The following JPH3 variants were observed in gnomAD, a reference collection of about 807,000 sequenced individuals.
The protein encoded by JPH3 is junctophilin-3.
Under a neutral mutation model 59.6 loss-of-function variants are expected in JPH3, and 11 were observed. That is an observed-to-expected ratio of 0.18 (90% confidence interval 0.12 to 0.31). The LOEUF (loss-of-function observed/expected upper bound fraction) is 0.31. Among genes scored for constraint, JPH3 ranks in the 10% least tolerant of loss-of-function variants. JPH3 has a pLI of 1.00. For synonymous variants in JPH3, 673 were observed against 483.6 expected (o/e 1.39, Z -5.14); for missense variants, 1,202 against 1,105.7 (o/e 1.09, Z -1.24).
chr16:87,643,875 C>T (rs1263381926), intron 1 of JPH3, among the ~76,000 whole-genome samples: 1 of 152,204 alleles, frequency 6.6e-6, no homozygotes, highest in Non-Finnish European at 1.5e-5. Flanking sequence ...TGGTGTGGCT[C>T]ATGACTGTAA....
intron 1 of JPH3, among the ~76,000 whole-genome samples, chr16:87,629,754 A>G (rs1433543882): frequency 6.6e-6 from 1 of 152,134 alleles, no homozygotes; most frequent in Non-Finnish European, 1.5e-5. Context: ...GAGATACTCT[A>G]ATGGCGAGTA....
intron 1 of JPH3, among the ~76,000 whole-genome samples, chr16:87,621,031 C>T (rs375528719): frequency 1.4e-3 from 217 of 152,282 alleles, no homozygotes; most frequent in African/African-American, 5.1e-3. Flanking sequence ...TGGTGGCGGG[C>T]GCCTGTAGTC....
chr16:87,695,198 A>C (rs1597304206), intron 4 of JPH3: 1 of 394,474 alleles, frequency 2.5e-6, no homozygotes, highest in Admixed American at 2.8e-5. Context: ...TCCCCTCCTT[A>C]ATGCAGGCCT....
intron 2 of JPH3, among the ~76,000 whole-genome samples, chr16:87,669,150 C>G (rs2032951732): frequency 6.6e-6 from 1 of 152,216 alleles, no homozygotes; most frequent in Admixed American, 6.5e-5. Flanking sequence ...GCAGTGTTCT[C>G]TGCAGGGGAG....
At chr16:87,672,548 C>G (rs867731896) in intron 2 of JPH3, among the ~76,000 whole-genome samples, 16 of 152,224 alleles carry the variant, frequency 1.1e-4, no homozygotes, top group African/African-American at 3.9e-4. Flanking sequence ...TCACTTTCAT[C>G]CTGTATTGGG....
intron 1 of JPH3, among the ~76,000 whole-genome samples, chr16:87,624,395 T>C (rs2031293009): frequency 6.6e-6 from 1 of 152,220 alleles, no homozygotes. Flanking sequence ...ACGTTTCGCA[T>C]GCGTGGAGTC....
At chr16:87,625,577 G>A (rs897495565) in intron 1 of JPH3, among the ~76,000 whole-genome samples, 2 of 152,320 alleles carry the variant, frequency 1.3e-5, no homozygotes, top group African/African-American at 4.8e-5. Context: ...GCGAGGAGGA[G>A]GAGGAGGACT....
chr16:87,657,265 C>T (rs556788336), intron 2 of JPH3, among the ~76,000 whole-genome samples: 5 of 152,296 alleles, frequency 3.3e-5, no homozygotes, highest in Non-Finnish European at 5.9e-5. Flanking sequence ...CCTGCCACGG[C>T]ATGAATGAGC....
At chr16:87,683,816 G>A (rs2033352015) in intron 2 of JPH3, 1 of 266,370 alleles carries the variant, frequency 3.8e-6, no homozygotes, top group South Asian at 6.3e-5. Context: ...ATGTTGCCCA[G>A]GCTGGTCGTG....
In JPH3 at chr16:87,690,451, C is replaced by T. The variant is rs1019906565; in HGVS notation, c.2091C>T (p.Phe697=). 1.3e-6 allele frequency: 2 copies of T among 1,485,848 alleles called. No homozygotes were observed. Among genetic ancestry groups the T allele is most frequent in the East Asian group, 2.4e-5 (1 of 41,768 alleles). The allele number at this position is 1,485,848 out of a possible 1,614,324, so 92.0% of individuals were successfully genotyped here. Residue 697 remains phenylalanine (F), a synonymous_variant, in exon 4 of 5, where the codon TTC becomes TTT. Transcript: ENST00000284262. ...EPRLLRWDLT[F]SPPQKSLPVA... ...GGTTGCTGCGTTGGGACTTGACCTT[C>T]TCCCCGCCCCAGAAATCCTTGCCTG...
At chr16:87,683,412 C>G (rs1457576797) in intron 2 of JPH3, among the ~76,000 whole-genome samples, 2 of 151,804 alleles carry the variant, frequency 1.3e-5, no homozygotes, top group Admixed American at 6.6e-5. Context: ...TCAAGCAATT[C>G]TCCTTCCTCA....
At chr16:87,679,245 T>C (rs778192815) in intron 2 of JPH3, among the ~76,000 whole-genome samples, 1 of 152,002 alleles carries the variant, frequency 6.6e-6, no homozygotes, top group African/African-American at 2.4e-5. Flanking sequence ...GTTTCTCTCT[T>C]TCTTTCTTTA....
intron 2 of JPH3, among the ~76,000 whole-genome samples, chr16:87,681,414 C>T (rs1401157967): frequency 1.5e-5 from 2 of 134,042 alleles, no homozygotes; most frequent in South Asian, 2.5e-4. Context: ...GTGACAGTGC[C>T]GGGAGGTCAG....
At chr16:87,691,497 G>A (rs938608486) in intron 4 of JPH3, among the ~76,000 whole-genome samples, 1 of 152,174 alleles carries the variant, frequency 6.6e-6, no homozygotes. Flanking sequence ...GGGCGTGTGG[G>A]CCGGGCAGGG....
intron 1 of JPH3, among the ~76,000 whole-genome samples, chr16:87,633,285 C>A (rs1386236263): frequency 1.3e-5 from 2 of 151,556 alleles, no homozygotes; most frequent in East Asian, 1.9e-4. Flanking sequence ...GGATGAGGAC[C>A]CCCAGTGCCT....
chr16:87,634,828 C>T (rs991755630), intron 1 of JPH3, among the ~76,000 whole-genome samples: 1 of 152,242 alleles, frequency 6.6e-6, no homozygotes, highest in African/African-American at 2.4e-5. Flanking sequence ...ATGGGACTGG[C>T]TGAGAGACGC....
chr16:87,696,291 C>G, intron 4 of JPH3: 1 of 514,098 alleles, frequency 1.9e-6, no homozygotes, highest in Non-Finnish European at 3.5e-6. Context: ...TCCAAGGGGA[C>G]CCTGGGAGAG....
chr16:87,685,878 C>T (rs926413667), intron 3 of JPH3, among the ~76,000 whole-genome samples: 4 of 152,188 alleles, frequency 2.6e-5, no homozygotes, highest in African/African-American at 9.7e-5. Context: ...GACGCATCCA[C>T]CGGAAGCTCC....
chr16:87,659,394 AAAAAG>A (rs1567603545), intron 2 of JPH3, among the ~76,000 whole-genome samples: 2,713 of 143,696 alleles, frequency 0.019, 295 homozygotes, highest in Non-Finnish European at 0.031. Context: ...AAAGAAAAAA[AAAAAG>A]AAAACTACAC....
Sources: gnomAD v4.1 joint callset for allele counts (sites outside exome capture counted in the v4.1 genomes callset) on GRCh38, gnomAD v4.1.1 for gene constraint, MANE v1.5 for transcripts, NCBI Gene and HGNC (gene_info 2026-07-23, HGNC 2026-07-21) for gene names.